Variants in CBFA2T3 observed in about 807,000 individuals in gnomAD.
CBFA2T3 encodes the protein CBFA2/RUNX1 partner transcriptional co-repressor 3, also known as transcriptional corepressor CBFA2T3.
A neutral mutation model predicts 58.6 loss-of-function variants in CBFA2T3; 31 were observed. The ratio of observed to expected loss-of-function variants is 0.53; its 90% CI spans 0.40 to 0.71. The LOEUF (loss-of-function observed/expected upper bound fraction) is 0.71. CBFA2T3 is among the 30% of genes least tolerant of loss of function. The pLI is 0.00. For missense variants in CBFA2T3, 1,076 were observed against 963.1 expected (o/e 1.12, Z -1.55); for synonymous variants, 531 against 421.9 (o/e 1.26, Z -3.17).
At chr16:88,963,719 C>T (rs983814259) in intron 1 of CBFA2T3, among the ~76,000 whole-genome samples, 2 of 152,252 alleles carry the variant, frequency 1.3e-5, no homozygotes, top group Admixed American at 6.5e-5. Context: ...ATTTTAGCGG[C>T]GTCATGCCTG....
chr16:88,875,512 T>A lies in CBFA2T3; in HGVS notation c.*1464A>T, dbSNP rs1418522391. The A allele has an allele frequency of 8.6e-6, 2 of 233,516 alleles. No individual in the cohort carries two copies. The highest frequency in any genetic ancestry group is 4.4e-5 in the African/African-American group (2 of 45,252). The allele number at this position is 233,516 out of a possible 1,614,324, so 14.5% of individuals were successfully genotyped here. Reference sequence around the variant, plus strand: ...GCAGAGGGCTGCTTTTGTTTGTAGTTTTTTTGTTTTTTCTGCAAAAGTTTG... The same window carrying A: ...GCAGAGGGCTGCTTTTGTTTGTAGTATTTTTGTTTTTTCTGCAAAAGTTTG... On this transcript the variant is annotated 3_prime_UTR_variant, in exon 12 of 12. Coordinates refer to ENST00000268679, the MANE Select transcript of CBFA2T3 (RefSeq NM_005187.6).
intron 1 of CBFA2T3, among the ~76,000 whole-genome samples, chr16:88,947,992 T>C (rs919064321): frequency 1.3e-5 from 2 of 152,186 alleles, no homozygotes; most frequent in African/African-American, 2.4e-5. Context: ...TTTTTGGTAG[T>C]AGTTTGTGTA....
intron 1 of CBFA2T3, among the ~76,000 whole-genome samples, chr16:88,914,532 G>A (rs1057042963): frequency 2.0e-5 from 3 of 152,252 alleles, no homozygotes; most frequent in South Asian, 4.1e-4. Context: ...GACCAAAAAT[G>A]TGATCGTGGT....
rs960207100 is a variant in CBFA2T3 at position 88,886,024 on chromosome 16, G to A, written c.830C>T (p.Pro277Leu). The A allele has an allele frequency of 5.7e-6, 9 of 1,568,912 alleles. No homozygotes were observed. The highest frequency in any genetic ancestry group is 3.7e-4 in the Middle Eastern group (2 of 5,442). Residue 277 changes from proline (P) to leucine (L), a missense_variant, in exon 6 of 12, where the codon CCC becomes CTC. Physicochemically the swap from Pro to Leu is moderately conservative, Grantham distance 98. Transcript: ENST00000268679. ...QLLLDASASS[P>L]IDSSELLLEV... ...CAGTAGCAGCTCTGAGGAGTCGATG[G>A]GGGAGGAGGCGCTGGCGTCCAGCAG... is the stretch of plus-strand genomic sequence containing the variant.
chr16:88,953,590 C>T lies in CBFA2T3; in HGVS notation c.151+23067G>A, dbSNP rs534790280. Among the ~76,000 whole-genome samples the T allele has an allele frequency of 3.7e-4, 57 of 152,190 alleles. No homozygotes were observed. Among genetic ancestry groups the T allele is most frequent in the African/African-American group, 1.3e-3 (55 of 41,484 alleles). Reference sequence around the variant, plus strand: ...CGGAATGTAGAGGCCTGGGGGCTCCCGGCTGGGGACAGTGCCAGCAGGAGT... The same window carrying T: ...CGGAATGTAGAGGCCTGGGGGCTCCTGGCTGGGGACAGTGCCAGCAGGAGT... On this transcript the variant is annotated intron_variant, in intron 1 of 11. Transcript: ENST00000268679. The surrounding 1 kb of genome is among the most constrained non-coding windows in gnomAD (Gnocchi z 4.9).
rs1972282420 is a variant in CBFA2T3 at position 88,958,316 on chromosome 16, T to G, written c.151+18341A>C. On this transcript the variant is annotated intron_variant, in intron 1 of 11. Coordinates refer to ENST00000268679, the MANE Select transcript of CBFA2T3 (RefSeq NM_005187.6). This position sits in a 1 kb window ranked among gnomAD's most constrained non-coding sequence, Gnocchi z 4.0. ...AAGCTATTTTGAGCCTAAAATAGCT[T>G]CAAGAGCCCAAAGCTCCCAGGGAGA... is the stretch of plus-strand genomic sequence containing the variant. 6.6e-6 allele frequency among the ~76,000 whole-genome samples: 1 copy of G among 151,766 alleles called. No homozygotes were observed. The highest frequency in any genetic ancestry group is 1.9e-4 in the East Asian group (1 of 5,164).
At chr16:88,964,573 C>G (rs957502205) in intron 1 of CBFA2T3, among the ~76,000 whole-genome samples, 1 of 152,216 alleles carries the variant, frequency 6.6e-6, no homozygotes, top group South Asian at 2.1e-4. Context: ...CCCTCTGAAT[C>G]ACCTGGGCTG....
At chr16:88,916,875 G>A (rs563532458) in intron 1 of CBFA2T3, among the ~76,000 whole-genome samples, 2 of 152,030 alleles carry the variant, frequency 1.3e-5, no homozygotes, top group Non-Finnish European at 2.9e-5. Context: ...GGCGTGGAGG[G>A]GCCAACAGAG....
intron 5 of CBFA2T3, among the ~76,000 whole-genome samples, chr16:88,889,994 C>T (rs952865869): frequency 6.8e-6 from 1 of 147,854 alleles, no homozygotes; most frequent in Admixed American, 6.7e-5. Flanking sequence ...CCTCCTCCTC[C>T]AGGGGACGTT....
At chr16:88,882,116 C>T (rs559882467) in intron 8 of CBFA2T3, among the ~76,000 whole-genome samples, 7 of 152,352 alleles carry the variant, frequency 4.6e-5, no homozygotes, top group Non-Finnish European at 8.8e-5. Flanking sequence ...GCCTGGGCTG[C>T]GCTGACAGCT....
chr16:88,911,727 C>G (rs533254516), intron 1 of CBFA2T3, among the ~76,000 whole-genome samples: 41 of 152,384 alleles, frequency 2.7e-4, no homozygotes, highest in African/African-American at 9.4e-4. Context: ...TGTCATGCTT[C>G]GGGCTATCTG....
At position 88,885,264 on chromosome 16, in the gene CBFA2T3, T is replaced by C; in HGVS notation, c.899A>G (p.Lys300Arg). The change falls in exon 7 of 12, where the codon AAA (lysine) becomes AGA (arginine). Residue 300 changes from lysine to arginine, a missense_variant. By Grantham distance (26) the Lys-to-Arg change is conservative (BLOSUM62 2). Transcript: ENST00000268679. This position sits in a 1 kb window ranked among gnomAD's most constrained non-coding sequence, Gnocchi z 5.3. ...CGGGTCGCGGTCTGACCCGTTCTCTTTGGTCCTAGCCCCAAGAGCAGGTGG... is the reference window on the plus strand; with the variant it reads ...CGGGTCGCGGTCTGACCCGTTCTCTCTGGTCCTAGCCCCAAGAGCAGGTGG... Reference protein sequence around the residue: ...NGKRRTPDRTKENGSDRDPLH... With the variant: ...NGKRRTPDRTRENGSDRDPLH... The C allele has an allele frequency of 1.3e-6, 2 of 1,543,916 alleles. No individual in the cohort carries two copies. Among genetic ancestry groups the C allele is most frequent in the South Asian group, 2.4e-5 (2 of 81,654 alleles).
chr16:88,895,229 C>T (rs1597686713), intron 3 of CBFA2T3, among the ~76,000 whole-genome samples: 2 of 152,224 alleles, frequency 1.3e-5, no homozygotes, highest in East Asian at 1.9e-4. Context: ...TCCAACAAGG[C>T]CCTTCTGAGG....
intron 1 of CBFA2T3, among the ~76,000 whole-genome samples, chr16:88,974,750 AC>A (rs942660412): frequency 6.6e-6 from 1 of 151,092 alleles, no homozygotes; most frequent in Non-Finnish European, 1.5e-5. Context: ...TCTGTCCAGG[AC>A]CCCCCGCAGT....
rs148641751 is a variant in CBFA2T3, at chr16:88,949,418, G to T, written c.151+27239C>A. On this transcript the variant is annotated intron_variant, in intron 1 of 11. Transcript: ENST00000268679. ...CACCAAAAATACAAAAATTAGCCAGGTGTGATGGTGTGTGCCTGTAGTCCC... is the reference window on the plus strand; with the variant it reads ...CACCAAAAATACAAAAATTAGCCAGTTGTGATGGTGTGTGCCTGTAGTCCC... Among the ~76,000 whole-genome samples, 194 of 152,060 alleles carry T rather than the reference G, an allele frequency of 1.3e-3. 4 individuals carry two copies. In the East Asian group the frequency reaches 0.024, roughly 19 times the overall value.
chr16:88,925,683 T>C (rs1007248509), intron 1 of CBFA2T3, among the ~76,000 whole-genome samples: 3 of 152,124 alleles, frequency 2.0e-5, no homozygotes, highest in Admixed American at 6.5e-5. Context: ...GCTTCTAGTT[T>C]CTTCAGGGGC....
chr16:88,965,460 C>T (rs1408519454), intron 1 of CBFA2T3, among the ~76,000 whole-genome samples: 1 of 152,210 alleles, frequency 6.6e-6, no homozygotes, highest in Non-Finnish European at 1.5e-5. Flanking sequence ...TGTGTCCAGC[C>T]TTTGGTTTAG....
At chr16:88,888,430 C>G (rs1969469386) in intron 5 of CBFA2T3, among the ~76,000 whole-genome samples, 1 of 80,736 alleles carries the variant, frequency 1.2e-5, no homozygotes, top group Admixed American at 1.4e-4. Flanking sequence ...TCCCCCACTG[C>G]ACTCTGTGTC....
At chr16:88,896,955 G>A (rs898492813) in intron 3 of CBFA2T3, among the ~76,000 whole-genome samples, 1 of 152,362 alleles carries the variant, frequency 6.6e-6, no homozygotes, top group Non-Finnish European at 1.5e-5. Context: ...CGGCACAAGC[G>A]CTTTCATTCC....
Sources: gnomAD v4.1 joint callset for allele counts (sites outside exome capture counted in the v4.1 genomes callset) on GRCh38, gnomAD v4.1.1 for gene constraint, Gnocchi (gnomAD v3.1) non-coding constraint, MANE v1.5 for transcripts, NCBI Gene and HGNC (gene_info 2026-07-23, HGNC 2026-07-21) for gene names.